Variants in ANO4 observed in about 807,000 individuals in gnomAD.
ANO4 encodes the protein anoctamin-4.
In ANO4, 69 loss-of-function variants were observed where a neutral mutation model predicts 141.9. That is an observed-to-expected ratio of 0.49 (90% CI 0.40 to 0.59). The LOEUF (loss-of-function observed/expected upper bound fraction) is 0.59. Among genes scored for constraint, ANO4 ranks in the 20% least tolerant of loss-of-function variants. ANO4 has a pLI of 0.00. For synonymous variants in ANO4, 350 were observed against 394.3 expected, an observed-to-expected ratio of 0.89 and a Z score of 1.33; for missense variants, 894 against 1,162.2, an observed-to-expected ratio of 0.77 and a Z score of 3.36.
At chr12:100,947,507 G>A (rs772630789) in intron 5 of ANO4, among the ~76,000 whole-genome samples, 1 of 152,092 alleles carries the variant, frequency 6.6e-6, no homozygotes, top group African/African-American at 2.4e-5. Flanking sequence ...AATGTAGTAC[G>A]CTTTAAAAAC....
chr12:100,744,354 G>A (rs1015047488), intron 3 of ANO4, among the ~76,000 whole-genome samples: 2 of 152,178 alleles, frequency 1.3e-5, no homozygotes, highest in Non-Finnish European at 1.5e-5. Flanking sequence ...AGGCTAGGAA[G>A]TCCAAGATTA....
chr12:100,857,935 C>A (rs2038267522), intron 1 of ANO4, among the ~76,000 whole-genome samples: 2 of 151,910 alleles, frequency 1.3e-5, no homozygotes, highest in African/African-American at 4.8e-5. Context: ...GAAATCAAAC[C>A]ACTAGAACCA....
rs545513909 is a variant in ANO4 at position 100,758,672 on chromosome 12, C to T, written c.358+18567C>T. On this transcript the variant is annotated intron_variant, in intron 3 of 29. Coordinates refer to the ANO4 transcript ENST00000644049. The stretch of plus-strand genomic sequence containing the variant: ...AGGAGTTATATTAATTTCTTAGGAC[C>T]GCCACAACAGAGGACCACAAGCTGG... Among the ~76,000 whole-genome samples the T allele has an allele frequency of 4.6e-5, 7 of 152,174 alleles. No individual in the cohort carries two copies. In the East Asian group the frequency reaches 5.8e-4, roughly 13 times the overall value.
chr12:100,787,531 C>T (rs148174702), intron 3 of ANO4, among the ~76,000 whole-genome samples: 60 of 152,204 alleles, frequency 3.9e-4, no homozygotes, highest in African/African-American at 1.3e-3. Context: ...GGAGAAGGCA[C>T]GATGGCATCT....
chr12:101,078,483 A>T lies in ANO4; in HGVS notation c.1313-710A>T, dbSNP rs552497853. 2.0e-5 allele frequency among the ~76,000 whole-genome samples: 3 copies of T among 152,268 alleles called. No individual in the cohort carries two copies. In the East Asian group the frequency reaches 5.8e-4, roughly 29 times the overall value. Reference sequence around the variant, plus strand: ...AAGTTGATATGCTTTCATTAAATTGAGTAGAAAATTACCTTGGCTGAATGA... The same window carrying T: ...AAGTTGATATGCTTTCATTAAATTGTGTAGAAAATTACCTTGGCTGAATGA... On this transcript the variant is annotated intron_variant, in intron 14 of 27. Coordinates refer to ENST00000392977, the MANE Select transcript of ANO4 (RefSeq NM_001286615.2).
At chr12:100,823,276 C>G (rs1366836313) in intron 1 of ANO4, among the ~76,000 whole-genome samples, 1 of 151,880 alleles carries the variant, frequency 6.6e-6, no homozygotes, top group Non-Finnish European at 1.5e-5. Context: ...GTGGCAAATT[C>G]TAAGGCAAGC....
chr12:100,928,188 G>A (rs2041953487), intron 3 of ANO4, among the ~76,000 whole-genome samples: 1 of 151,988 alleles, frequency 6.6e-6, no homozygotes, highest in African/African-American at 2.4e-5. Flanking sequence ...CGGGGCCGGG[G>A]GGGCTGGCAT....
At chr12:101,096,709 C>A in intron 19 of ANO4, 62 bp downstream of exon 19, 1 of 1,278,118 alleles carries the variant, frequency 7.8e-7, no homozygotes, top group Non-Finnish European at 1.1e-6. Context: ...AAGGCACTGA[C>A]TCGTGGGGAC....
chr12:100,922,311 T>A lies in ANO4; in HGVS notation c.141T>A (p.Ile47=). Residue 47 remains isoleucine (I), a synonymous_variant, in exon 3 of 28, where the codon ATT becomes ATA. Transcript: ENST00000392977. ...GPKSDVDFSE[I]LNAIQEMAKD... is the part of the protein sequence containing the mutation. The stretch of plus-strand genomic sequence containing the variant: ...AGAGTGATGTGGACTTTTCAGAGAT[T>A]CTTAATGCAATACAAGAAAGTAAGT... 2.6e-6 allele frequency: 4 copies of A among 1,530,748 alleles called. No homozygotes were observed. The highest frequency in any genetic ancestry group is 3.5e-6 in the Non-Finnish European group (4 of 1,145,258). 94.8% of individuals were successfully genotyped at this position (1,530,748 alleles called of 1,614,324 possible).
intron 2 of ANO4, among the ~76,000 whole-genome samples, chr12:100,739,159 A>G (rs536401783): frequency 6.7e-6 from 1 of 148,934 alleles, no homozygotes; most frequent in African/African-American, 2.4e-5. Context: ...TATATATATA[A>G]AAGTTTATAT....
intron 8 of ANO4, among the ~76,000 whole-genome samples, chr12:101,000,503 T>C (rs1315173767): frequency 6.6e-6 from 1 of 152,178 alleles, no homozygotes; most frequent in Middle Eastern, 3.2e-3. Context: ...GTACCAAGAT[T>C]GATTTACGTA....
chr12:100,741,857 C>T lies in ANO4; in HGVS notation c.358+1752C>T, dbSNP rs189751199. Among the ~76,000 whole-genome samples, 32 of 152,086 alleles carry T rather than the reference C, an allele frequency of 2.1e-4. 1 individual carries two copies. The East Asian group carries it at 5.6e-3, about 27-fold the overall frequency. On this transcript the variant is annotated intron_variant, in intron 3 of 29. Transcript: ENST00000644049. The stretch of plus-strand genomic sequence containing the variant: ...ATAAAGTACCTCCTTTATATATTAA[C>T]CCAGGGTAGCTGAAAGCTTATGGCA...
chr12:101,066,997 CA>C (rs34416390), intron 14 of ANO4: 24,125 of 180,766 alleles, frequency 0.13, 71 homozygotes, highest in South Asian at 0.19. Context: ...TAAAGTATAA[CA>C]AAAAAAAAAA....
chr12:100,831,734 G>A (rs1437362599), intron 1 of ANO4, among the ~76,000 whole-genome samples: 1 of 152,084 alleles, frequency 6.6e-6, no homozygotes, highest in Non-Finnish European at 1.5e-5. Flanking sequence ...TGTCCTGAGT[G>A]TCAGAAAACA....
At chr12:101,107,548 C>A (rs1368401043) in intron 22 of ANO4, among the ~76,000 whole-genome samples, 1 of 103,012 alleles carries the variant, frequency 9.7e-6, no homozygotes, top group African/African-American at 6.9e-5. Flanking sequence ...GTCATAGCAA[C>A]ACTGCATATA....
intron 2 of ANO4, among the ~76,000 whole-genome samples, chr12:100,915,901 C>T (rs80085825): frequency 0.037 from 5,585 of 152,150 alleles, 280 homozygotes; most frequent in African/African-American, 0.11. Flanking sequence ...TGTTAATTTA[C>T]ATATATGACA....
At position 100,784,928 on chromosome 12, in the gene ANO4, ATT is replaced by A. The variant is rs5800422; in HGVS notation, c.358+44832_358+44833del. On this transcript the variant is annotated intron_variant, in intron 3 of 29. Coordinates refer to the ANO4 transcript ENST00000644049. Reference sequence around the variant, plus strand: ...GTGGGGTGTAGGGAATCCTCTCACTATTTTTTTTTTCATCTTTTCTTTCTTCT... The same window carrying A: ...GTGGGGTGTAGGGAATCCTCTCACTATTTTTTTTCATCTTTTCTTTCTTCT... 2.9e-4 allele frequency among the ~76,000 whole-genome samples: 43 copies of A among 149,918 alleles called. 1 individual carries two copies. Among genetic ancestry groups the A allele is most frequent in the African/African-American group, 8.6e-4 (35 of 40,752 alleles).
At chr12:101,046,419 G>C (rs2047633222) in intron 13 of ANO4, among the ~76,000 whole-genome samples, 1 of 152,122 alleles carries the variant, frequency 6.6e-6, no homozygotes, top group Non-Finnish European at 1.5e-5. Flanking sequence ...GAGGGAGAGA[G>C]GCTAGAGTAG....
At chr12:100,770,375 C>G (rs2135549948) in intron 3 of ANO4, among the ~76,000 whole-genome samples, 1 of 152,296 alleles carries the variant, frequency 6.6e-6, no homozygotes, top group Non-Finnish European at 1.5e-5. Context: ...CCTAAGAGTT[C>G]AGATTCTTTC....
Sources: gnomAD v4.1 joint callset for allele counts (sites outside exome capture counted in the v4.1 genomes callset) on GRCh38, gnomAD v4.1.1 for gene constraint, MANE v1.5 for transcripts, NCBI Gene and HGNC (gene_info 2026-07-23, HGNC 2026-07-21) for gene names.